Variants in COP1 observed in about 807,000 individuals in gnomAD.
COP1 encodes the protein COP1 E3 ubiquitin ligase.
Under a neutral mutation model 101.3 loss-of-function variants are expected in COP1, and 24 were observed. That is an observed-to-expected ratio of 0.24 (90% CI 0.17 to 0.33). COP1 has a LOEUF of 0.33. COP1 is among the 10% of genes least tolerant of loss of function. COP1 has a pLI of 1.00. For synonymous variants in COP1, 347 were observed against 341.9 expected (o/e 1.01, Z -0.17); for missense variants, 663 against 906.2 (o/e 0.73, Z 3.45).
At chr1:176,043,944 T>G in intron 12 of COP1, 126 bp from the exon 13 acceptor site, 1 of 634,386 alleles carries the variant, frequency 1.6e-6, no homozygotes, top group African/African-American at 1.8e-5. Context: ...ACAATCATTA[T>G]TCTGCCCACA....
At chr1:176,114,239 T>C (rs1020817851) in intron 9 of COP1, among the ~76,000 whole-genome samples, 1 of 152,178 alleles carries the variant, frequency 6.6e-6, no homozygotes, top group Non-Finnish European at 1.5e-5. Flanking sequence ...ACAAAAAGAC[T>C]TGAATCTGGT....
rs114600364 is a variant in COP1, at chr1:176,180,921, G to A, written c.467+3712C>T. On this transcript the variant is annotated intron_variant, in intron 2 of 19. Coordinates refer to ENST00000367669, the MANE Select transcript of COP1 (RefSeq NM_022457.7). The stretch of plus-strand genomic sequence containing the variant: ...GATCACCCACATGCTGGGAGATGAC[G>A]ATGCTGAAGGACCCCATTAATTGTA... 7.7e-3 allele frequency among the ~76,000 whole-genome samples: 1,170 copies of A among 152,272 alleles called. 17 individuals are homozygous for A. Among genetic ancestry groups the A allele is most frequent in the African/African-American group, 0.026 (1,085 of 41,554 alleles).
chr1:175,966,773 T>C (rs1407495271), intron 18 of COP1, among the ~76,000 whole-genome samples: 1 of 152,198 alleles, frequency 6.6e-6, no homozygotes, highest in Non-Finnish European at 1.5e-5. Context: ...CATGGAAAAT[T>C]TGGTCTTTTA....
chr1:175,994,082 C>G (rs1381806893), intron 15 of COP1, among the ~76,000 whole-genome samples: 1 of 152,116 alleles, frequency 6.6e-6, no homozygotes, highest in African/African-American at 2.4e-5. Flanking sequence ...AGAGTGGGGG[C>G]CAATATTCAA....
intron 1 of COP1, among the ~76,000 whole-genome samples, chr1:176,199,242 A>G (rs1373706778): frequency 1.3e-5 from 2 of 152,138 alleles, no homozygotes; most frequent in Non-Finnish European, 2.9e-5. Context: ...GCTTGAACCC[A>G]GGAGGCAGAG....
chr1:176,164,617 A>T (rs1357986385), intron 3 of COP1, among the ~76,000 whole-genome samples: 1 of 152,212 alleles, frequency 6.6e-6, no homozygotes. Context: ...GCTTAGAGCC[A>T]TCTTGCAACC....
chr1:176,101,348 C>T (rs1344649848), intron 9 of COP1, among the ~76,000 whole-genome samples: 1 of 152,122 alleles, frequency 6.6e-6, no homozygotes, highest in Non-Finnish European at 1.5e-5. Context: ...GATAAGCAGC[C>T]ATTCATCTTC....
chr1:176,048,225 G>T (rs1337674513), intron 11 of COP1, among the ~76,000 whole-genome samples: 21 of 144,102 alleles, frequency 1.5e-4, no homozygotes, highest in Non-Finnish European at 2.7e-4. Flanking sequence ...CAGAGATGGG[G>T]TCTCACTATG....
chr1:176,018,811 G>C (rs1666132006), intron 15 of COP1: 1 of 151,892 alleles, frequency 6.6e-6, no homozygotes, highest in East Asian at 1.9e-4. Context: ...GGCAGAGACT[G>C]CAGTGAACCA....
At chr1:176,046,579 T>C (rs1371009564) in intron 11 of COP1, among the ~76,000 whole-genome samples, 1 of 152,088 alleles carries the variant, frequency 6.6e-6, no homozygotes, top group Non-Finnish European at 1.5e-5. Flanking sequence ...ACACCTGACA[T>C]GCTTTTCATT....
chr1:175,949,356 C>T (rs1571218252), intron 18 of COP1, among the ~76,000 whole-genome samples: 1 of 151,814 alleles, frequency 6.6e-6, no homozygotes, highest in East Asian at 1.9e-4. Context: ...CTTTTAGTGA[C>T]CTGAATGTAG....
intron 9 of COP1, among the ~76,000 whole-genome samples, chr1:176,099,178 C>T (rs1682940926): frequency 6.6e-6 from 1 of 151,994 alleles, no homozygotes; most frequent in Non-Finnish European, 1.5e-5. Context: ...TGATCCTTTT[C>T]AAAAAATGGC....
At chr1:176,002,399 C>A (rs1319415457) in intron 15 of COP1, among the ~76,000 whole-genome samples, 2 of 151,870 alleles carry the variant, frequency 1.3e-5, no homozygotes, top group East Asian at 1.9e-4. Context: ...TACATGTGCA[C>A]ATAGTGCAGG....
chr1:176,030,086 G>A (rs755937704), intron 14 of COP1, among the ~76,000 whole-genome samples: 20 of 151,904 alleles, frequency 1.3e-4, no homozygotes, highest in Non-Finnish European at 2.5e-4. Context: ...TGAGTAACTG[G>A]GACTACAGAT....
intron 11 of COP1, among the ~76,000 whole-genome samples, chr1:176,068,585 T>G (rs1676430964): frequency 6.6e-6 from 1 of 152,230 alleles, no homozygotes. Context: ...TTAAATATGA[T>G]TAATTGAGCC....
At chr1:175,962,763 C>A (rs368974044) in intron 18 of COP1, among the ~76,000 whole-genome samples, 2 of 152,274 alleles carry the variant, frequency 1.3e-5, no homozygotes, top group South Asian at 2.1e-4. Context: ...CGCACCTCCC[C>A]CTCCCTGGGC....
chr1:176,058,140 G>GGA (rs1265366283), intron 11 of COP1, among the ~76,000 whole-genome samples: 1 of 141,216 alleles, frequency 7.1e-6, no homozygotes, highest in East Asian at 2.4e-4. Context: ...TGGGGTGGGG[G>GGA]GGGGGTCAGC....
At chr1:176,134,052 T>C (rs1009430222) in intron 8 of COP1, among the ~76,000 whole-genome samples, 1 of 151,882 alleles carries the variant, frequency 6.6e-6, no homozygotes, top group Non-Finnish European at 1.5e-5. Flanking sequence ...ATGGGAAAAA[T>C]GTCAAACCTC....
intron 6 of COP1, among the ~76,000 whole-genome samples, chr1:176,137,133 C>A (rs1485103936): frequency 1.3e-5 from 2 of 152,214 alleles, no homozygotes; most frequent in Non-Finnish European, 2.9e-5. Context: ...TATCTTAACA[C>A]TTCCTTCTTA....
Sources: gnomAD v4.1 joint callset for allele counts (sites outside exome capture counted in the v4.1 genomes callset) on GRCh38, gnomAD v4.1.1 for gene constraint, MANE v1.5 for transcripts, NCBI Gene and HGNC (gene_info 2026-07-23, HGNC 2026-07-21) for gene names.